The following PDE3B variants were observed in gnomAD, a reference collection of about 807,000 sequenced individuals.
PDE3B encodes phosphodiesterase 3B.
PDE3B carries 66 observed loss-of-function variants against 116.8 expected under a neutral mutation model. That is an observed-to-expected ratio of 0.56 (90% confidence interval 0.46 to 0.69). The LOEUF (loss-of-function observed/expected upper bound fraction) is 0.69. Among genes scored for constraint, PDE3B ranks in the 30% least tolerant of loss-of-function variants. The pLI, the probability that PDE3B is intolerant of heterozygous loss-of-function variation, is 0.00. For synonymous variants in PDE3B, 595 were observed against 533.6 expected (o/e 1.12, Z -1.59); for missense variants, 1,384 against 1,368.1 (o/e 1.01, Z -0.18).
intron 2 of PDE3B, among the ~76,000 whole-genome samples, chr11:14,781,227 C>T (rs1156623696): frequency 1.3e-5 from 2 of 152,134 alleles, no homozygotes; most frequent in African/African-American, 4.8e-5. Flanking sequence ...TGAATTCTAC[C>T]AGAGGTACAA....
chr11:14,649,784 AG>A (rs530014900), intron 1 of PDE3B, among the ~76,000 whole-genome samples: 137 of 152,314 alleles, frequency 9.0e-4, no homozygotes, highest in African/African-American at 3.2e-3. Context: ...TTGAAGACAG[AG>A]GGGAGGGTCA....
chr11:14,661,460 A>C (rs1227359697), intron 1 of PDE3B, among the ~76,000 whole-genome samples: 5 of 152,200 alleles, frequency 3.3e-5, no homozygotes, highest in Admixed American at 3.3e-4. Context: ...TGGGCGTAGG[A>C]CAGTGGGTGC....
At chr11:14,721,309 CT>C (rs1856067976) in intron 1 of PDE3B, among the ~76,000 whole-genome samples, 1 of 152,028 alleles carries the variant, frequency 6.6e-6, no homozygotes, top group Non-Finnish European at 1.5e-5. Flanking sequence ...AATAGGAACA[CT>C]TTTACACTGT....
At chr11:14,892,133 G>C in the PDE3B span, 1 of 1,611,562 alleles carries the variant, frequency 6.2e-7, no homozygotes, top group South Asian at 1.1e-5. Context: ...CGGACCCCTA[G>C]CGCGAAGAGC....
At position 14,771,974 on chromosome 11, in the gene PDE3B, A is replaced by C; in HGVS notation, c.1016A>C (p.Lys339Thr). 7.5e-7 allele frequency: 1 copy of C among 1,332,680 alleles called. No homozygotes were observed. Among genetic ancestry groups the C allele is most frequent in the Non-Finnish European group, 1.0e-6 (1 of 971,264 alleles). The allele number at this position is 1,332,680 out of a possible 1,614,324, so 82.6% of individuals were successfully genotyped here. A position where few individuals can be genotyped will look rare whatever the true frequency, so the allele number is the denominator to read the frequency against. ...LWDWDLKQWY[K>T]PHYQNSGGGN... ...GATTGGGACTTAAAACAATGGTATA[A>C]GCCTCATTATCAAGTAAGTATAATT... The change falls in exon 2 of 16, where the codon AAG (lysine) becomes ACG (threonine). Residue 339 changes from lysine (K) to threonine (T), a missense_variant. This residue lies in a region of PDE3B where 956 missense variants were observed against 806.8 expected (regional missense o/e 1.18). Coordinates refer to ENST00000282096, the MANE Select transcript of PDE3B (RefSeq NM_000922.4).
intron 1 of PDE3B, among the ~76,000 whole-genome samples, chr11:14,653,662 A>G (rs1853628240): frequency 1.3e-5 from 2 of 152,164 alleles, no homozygotes; most frequent in Admixed American, 1.3e-4. Context: ...GAAAGAAATA[A>G]AATAGAAACC....
At position 14,835,071 on chromosome 11, in the gene PDE3B, G is replaced by A. The variant is rs763358490; in HGVS notation, c.2296G>A (p.Gly766Ser). The A allele has an allele frequency of 6.2e-7, 1 of 1,607,936 alleles. No individual in the cohort carries two copies. The highest frequency in any genetic ancestry group is 8.5e-7 in the Non-Finnish European group (1 of 1,175,268). ...TCCTGGCTTACAGCAGATCCACAAT[G>A]GTTGTGGAACAGGAAATGAAACAGG... ...PVPGLQQIHNGCGTGNETDSD... is the reference protein window; with the variant it reads ...PVPGLQQIHNSCGTGNETDSD... The change falls in exon 11 of 16, where the codon GGT (glycine) becomes AGT (serine). Residue 766 changes from glycine to serine, a missense_variant. Physicochemically the swap from Gly to Ser is moderately conservative, Grantham distance 56. Transcript: ENST00000282096.
chr11:14,706,245 T>C (rs1372077276), intron 1 of PDE3B, among the ~76,000 whole-genome samples: 1 of 151,842 alleles, frequency 6.6e-6, no homozygotes, highest in Non-Finnish European at 1.5e-5. Flanking sequence ...TTCAGATTAG[T>C]ATAATAAATT....
chr11:14,699,675 A>T (rs1479920472), intron 1 of PDE3B, among the ~76,000 whole-genome samples: 1 of 151,758 alleles, frequency 6.6e-6, no homozygotes, highest in Non-Finnish European at 1.5e-5. Context: ...TATGCCAGTG[A>T]TGTTATTTTA....
chr11:14,740,057 A>G (rs1189195695), intron 1 of PDE3B, among the ~76,000 whole-genome samples: 1 of 151,732 alleles, frequency 6.6e-6, no homozygotes, highest in African/African-American at 2.4e-5. Context: ...TATTGGCCAA[A>G]TTTTCTTGTT....
At chr11:14,665,454 A>G (rs1412863145) in intron 1 of PDE3B, among the ~76,000 whole-genome samples, 6 of 152,204 alleles carry the variant, frequency 3.9e-5, no homozygotes, top group Non-Finnish European at 8.8e-5. Context: ...AGGGTATTCA[A>G]TTAGGAAAAG....
intron 1 of PDE3B, among the ~76,000 whole-genome samples, chr11:14,702,165 C>T (rs757526101): frequency 2.6e-5 from 4 of 151,444 alleles, no homozygotes; most frequent in South Asian, 2.1e-4. Context: ...TCTTTCTGTC[C>T]GTCTACTGAA....
intron 12 of PDE3B, among the ~76,000 whole-genome samples, chr11:14,846,367 A>G (rs1430979915): frequency 6.6e-6 from 1 of 152,234 alleles, no homozygotes; most frequent in Non-Finnish European, 1.5e-5. Flanking sequence ...AACAACTGGT[A>G]CCAGCCACTG....
chr11:14,693,465 A>G (rs1486937134), intron 1 of PDE3B, among the ~76,000 whole-genome samples: 1 of 152,198 alleles, frequency 6.6e-6, no homozygotes, highest in Non-Finnish European at 1.5e-5. Context: ...TTAGAGACTA[A>G]TGCAGCTGAT....
intron 1 of PDE3B, among the ~76,000 whole-genome samples, chr11:14,669,439 G>A (rs1854296588): frequency 6.6e-6 from 1 of 152,056 alleles, no homozygotes; most frequent in Admixed American, 6.6e-5. Flanking sequence ...GGATCTGGAG[G>A]GGCAAATGAA....
rs1848130895 is a variant in PDE3B, at chr11:14,870,890, A to G, written c.*1230A>G. The G allele has an allele frequency of 6.6e-6, 1 of 152,210 alleles. No individual in the cohort carries two copies. The highest frequency in any genetic ancestry group is 2.4e-5 in the African/African-American group (1 of 41,458). 9.4% of individuals were successfully genotyped at this position (152,210 alleles called of 1,614,324 possible). Reference sequence around the variant, plus strand: ...ATTATTAAATAACCACATTATTAAAATAATTGCAAGAAAATGGACCATATT... The same window carrying G: ...ATTATTAAATAACCACATTATTAAAGTAATTGCAAGAAAATGGACCATATT... On this transcript the variant is annotated 3_prime_UTR_variant, in exon 16 of 16. Transcript: ENST00000282096. This position sits in a 1 kb window ranked among gnomAD's most constrained non-coding sequence, Gnocchi z 4.1.
intron 12 of PDE3B, among the ~76,000 whole-genome samples, chr11:14,848,029 C>G (rs1485708717): frequency 6.6e-6 from 1 of 151,584 alleles, no homozygotes; most frequent in African/African-American, 2.4e-5. Flanking sequence ...GGCAGAGACA[C>G]AACCAAAAAA....
chr11:14,644,606 G>A lies in PDE3B; in HGVS notation c.531G>A (p.Gly177=), dbSNP rs1565069140. 2 of 1,546,798 alleles carry A rather than the reference G, an allele frequency of 1.3e-6. No homozygotes were observed. Among genetic ancestry groups the A allele is most frequent in the Non-Finnish European group, 8.7e-7 (1 of 1,149,144 alleles). ...LVWQWWSWPW[G]DGDAGSAAPH... ...GGCAGTGGTGGTCTTGGCCTTGGGG[G>A]GATGGCGACGCAGGGTCCGCGGCCC... is the stretch of plus-strand genomic sequence containing the variant. The change falls in exon 1 of 16, where the codon GGG becomes GGA. Residue 177 remains glycine (G), a synonymous_variant. Coordinates refer to ENST00000282096, the MANE Select transcript of PDE3B (RefSeq NM_000922.4).
chr11:14,804,072 C>A, intron 5 of PDE3B, 22 bp downstream of exon 5: 2 of 1,289,184 alleles, frequency 1.6e-6, no homozygotes, highest in Non-Finnish European at 1.1e-6. Flanking sequence ...TTCTTTATGA[C>A]TCAAATATGG....
Sources: gnomAD v4.1 joint callset for allele counts (sites outside exome capture counted in the v4.1 genomes callset) on GRCh38, gnomAD v4.1.1 for gene constraint, gnomAD v4.1.1 regional missense constraint, Gnocchi (gnomAD v3.1) non-coding constraint, MANE v1.5 for transcripts, NCBI Gene and HGNC (gene_info 2026-07-23, HGNC 2026-07-21) for gene names.